Variants in SLC8A1 observed in about 807,000 individuals in gnomAD.
SLC8A1 encodes solute carrier family 8 member A1.
A neutral mutation model predicts 68.3 loss-of-function variants in SLC8A1; 18 were observed. The observed-to-expected ratio is 0.26, with a 90% CI of 0.18 to 0.39. The LOEUF is 0.39. Among genes scored for constraint, SLC8A1 ranks in the 10% least tolerant of loss-of-function variants. SLC8A1 has a pLI of 1.00. For synonymous variants in SLC8A1, 475 were observed against 415.5 expected (o/e 1.14, Z -1.74); for missense variants, 985 against 1,156.7 (o/e 0.85, Z 2.15).
chr2:40,250,855 G>A (rs1047263197), intron 2 of SLC8A1: 5 of 152,124 alleles, frequency 3.3e-5, no homozygotes, highest in African/African-American at 7.2e-5. Context: ...TGCAAAAAAA[G>A]TACCTGTAAC....
chr2:40,182,062 C>G (rs1573685639), intron 2 of SLC8A1, among the ~76,000 whole-genome samples: 2 of 152,342 alleles, frequency 1.3e-5, no homozygotes, highest in East Asian at 3.9e-4. Context: ...GTCCACAGGA[C>G]TTTTGCACTG....
chr2:40,284,857 C>A (rs1416050409), intron 2 of SLC8A1, among the ~76,000 whole-genome samples: 3 of 151,980 alleles, frequency 2.0e-5, no homozygotes, highest in Non-Finnish European at 4.4e-5. Flanking sequence ...TCCACTTCTT[C>A]AAGAGGTAAA....
chr2:40,164,764 C>T, intron 5 of SLC8A1, 90 bp downstream of exon 8: 1 of 1,506,536 alleles, frequency 6.6e-7, no homozygotes. Flanking sequence ...ACTACTCTTT[C>T]CAGGTGGATC....
intron 2 of SLC8A1, among the ~76,000 whole-genome samples, chr2:40,290,069 G>C (rs760667837): frequency 1.3e-5 from 2 of 151,922 alleles, no homozygotes; most frequent in South Asian, 4.1e-4. Flanking sequence ...AAGTCAATTT[G>C]GCAGGGAAAG....
intron 2 of SLC8A1, among the ~76,000 whole-genome samples, chr2:40,213,823 C>T (rs1429464077): frequency 6.6e-6 from 1 of 152,214 alleles, no homozygotes; most frequent in Non-Finnish European, 1.5e-5. Context: ...GGGGATATTA[C>T]ACTGGGGATA....
intron 2 of SLC8A1, among the ~76,000 whole-genome samples, chr2:40,355,201 C>A (rs1672304078): frequency 1.3e-5 from 2 of 152,126 alleles, no homozygotes; most frequent in South Asian, 4.1e-4. Context: ...GAGTCTGATA[C>A]TGTGATAATG....
intron 2 of SLC8A1, among the ~76,000 whole-genome samples, chr2:40,370,033 T>G (rs1677539773): frequency 6.6e-6 from 1 of 152,160 alleles, no homozygotes; most frequent in Non-Finnish European, 1.5e-5. Context: ...AAATCTTATC[T>G]GTTGCTGTTA....
rs530807921 is a variant in SLC8A1, at chr2:40,206,304, T to C, written c.1809-28449A>G. Among the ~76,000 whole-genome samples, 6 of 152,136 alleles carry C rather than the reference T, an allele frequency of 3.9e-5. No homozygotes were observed. In the East Asian group the frequency reaches 1.2e-3, roughly 29 times the overall value. The stretch of plus-strand genomic sequence containing the variant: ...TTCCTCAACTTCTAGAATCAAAAGA[T>C]GTCACTTCATCATCTTGGAACATTT... On this transcript the variant is annotated intron_variant, in intron 2 of 7. Transcript: ENST00000406785.
intron 2 of SLC8A1, among the ~76,000 whole-genome samples, chr2:40,294,537 C>CAT (rs1204943551): frequency 5.9e-5 from 9 of 151,410 alleles, no homozygotes; most frequent in South Asian, 4.2e-4. Context: ...AAGCAAGTTG[C>CAT]ATATATATAT....
intron 2 of SLC8A1, among the ~76,000 whole-genome samples, chr2:40,258,991 T>G (rs1002385688): frequency 7.4e-6 from 1 of 134,292 alleles, no homozygotes; most frequent in Non-Finnish European, 1.6e-5. Context: ...CACAGTTCTA[T>G]AGATTAATTA....
intron 2 of SLC8A1, among the ~76,000 whole-genome samples, chr2:40,425,734 C>T (rs574393314): frequency 2.6e-5 from 4 of 151,798 alleles, no homozygotes; most frequent in Admixed American, 6.6e-5. Flanking sequence ...CTCCATTGCA[C>T]GATGACAAAC....
At chr2:40,205,828 A>G (rs1241154426) in intron 2 of SLC8A1, among the ~76,000 whole-genome samples, 2 of 151,516 alleles carry the variant, frequency 1.3e-5, no homozygotes, top group African/African-American at 4.8e-5. Flanking sequence ...AAAAAAAAAA[A>G]AAAAGAAAAA....
At chr2:40,325,221 C>T (rs1559247961) in intron 2 of SLC8A1, among the ~76,000 whole-genome samples, 2 of 152,090 alleles carry the variant, frequency 1.3e-5, no homozygotes, top group Non-Finnish European at 2.9e-5. Context: ...CAGATTGATG[C>T]TCAATGATGT....
intron 2 of SLC8A1, among the ~76,000 whole-genome samples, chr2:40,327,017 A>C (rs186817433): frequency 6.6e-6 from 1 of 152,332 alleles, no homozygotes; most frequent in East Asian, 1.9e-4. Flanking sequence ...TGTGTAAAAC[A>C]ACTTGTAACA....
At chr2:40,285,536 G>A (rs2068168813) in intron 2 of SLC8A1, among the ~76,000 whole-genome samples, 1 of 152,120 alleles carries the variant, frequency 6.6e-6, no homozygotes, top group Non-Finnish European at 1.5e-5. Flanking sequence ...AATGCTGAGT[G>A]TGATTCATCC....
At chr2:40,317,065 T>C (rs2074555669) in intron 2 of SLC8A1, among the ~76,000 whole-genome samples, 1 of 152,038 alleles carries the variant, frequency 6.6e-6, no homozygotes, top group South Asian at 2.1e-4. Flanking sequence ...GCATTCAGTT[T>C]TAGTAGGATT....
At chr2:40,287,124 G>C (rs528343005) in intron 2 of SLC8A1, among the ~76,000 whole-genome samples, 1 of 152,228 alleles carries the variant, frequency 6.6e-6, no homozygotes, top group African/African-American at 2.4e-5. Flanking sequence ...GTCTGGCAGA[G>C]AACACTAAAA....
At chr2:40,299,077 C>T (rs985688525) in intron 2 of SLC8A1, among the ~76,000 whole-genome samples, 1 of 140,638 alleles carries the variant, frequency 7.1e-6, no homozygotes, top group Non-Finnish European at 1.6e-5. Flanking sequence ...TCTCAAGCAA[C>T]ACAGTTACTT....
At chr2:40,505,403 T>A (rs1706308759) in intron 1 of SLC8A1, among the ~76,000 whole-genome samples, 1 of 151,922 alleles carries the variant, frequency 6.6e-6, no homozygotes, top group Admixed American at 6.6e-5. Flanking sequence ...CCATTCCCCA[T>A]GATGTGCTTA....
Sources: allele counts gnomAD v4.1 joint callset (sites outside exome capture counted in the v4.1 genomes callset), GRCh38; gene constraint gnomAD v4.1.1; transcripts MANE v1.5; gene names NCBI Gene and HGNC (gene_info 2026-07-23, HGNC 2026-07-21).